The following PCDHGB1 variants were observed in gnomAD, a reference collection of about 807,000 sequenced individuals.
PCDHGB1 encodes protocadherin gamma subfamily B, 1.
A neutral mutation model predicts 56.6 loss-of-function variants in PCDHGB1; 34 were observed. The ratio of observed to expected loss-of-function variants is 0.60; its 90% CI spans 0.46 to 0.80. The LOEUF (loss-of-function observed/expected upper bound fraction) is 0.80. Ranked by LOEUF, PCDHGB1 falls within the 30% of genes least tolerant of loss-of-function variation. The pLI, the probability that PCDHGB1 is intolerant of heterozygous loss-of-function variation, is 0.00. For synonymous variants in PCDHGB1, 561 were observed against 505.9 expected, an observed-to-expected ratio of 1.11 and a Z score of -1.46; for missense variants, 1,278 against 1,204.6, an observed-to-expected ratio of 1.06 and a Z score of -0.90.
rs758172962 is a variant in PCDHGB1, at chr5:141,364,474, A to G, written c.2409+11805A>G. 6.8e-6 allele frequency: 11 copies of G among 1,614,012 alleles called. 1 individual carries two copies. Among genetic ancestry groups the G allele is most frequent in the Middle Eastern group, 1.7e-4 (1 of 6,056 alleles). Reference sequence around the variant, plus strand: ...ACAAAGGCTCCTTCGTCGGCAACATAGCCAAGGACCTTGGGCTGGAGCCCC... The same window carrying G: ...ACAAAGGCTCCTTCGTCGGCAACATGGCCAAGGACCTTGGGCTGGAGCCCC... On this transcript the variant is annotated intron_variant, in intron 1 of 3. Transcript: ENST00000523390.
rs780836649 is a variant in PCDHGB1 at position 141,414,681 on chromosome 5, G to C, written c.2409+62012G>C. 38 of 1,613,836 alleles carry C rather than the reference G, an allele frequency of 2.4e-5. 1 individual carries two copies. The East Asian group carries it at 8.5e-4, about 36-fold the overall frequency. ...CCCTGGCTGAAGACACCATCCAGGG[G>C]GTACCTCTGTCCTCATACATATCCA... On this transcript the variant is annotated intron_variant, in intron 1 of 3. Coordinates refer to ENST00000523390, the MANE Select transcript of PCDHGB1 (RefSeq NM_018922.3).
intron 3 of PCDHGB1, among the ~76,000 whole-genome samples, chr5:141,506,781 T>C (rs965408564): frequency 1.4e-4 from 22 of 152,168 alleles, no homozygotes; most frequent in African/African-American, 5.3e-4. Context: ...CCTGGGCTTA[T>C]AAGGAGGCTG....
At chr5:141,382,378 C>A (rs1160680038) in intron 1 of PCDHGB1, among the ~76,000 whole-genome samples, 1 of 152,098 alleles carries the variant, frequency 6.6e-6, no homozygotes, top group Non-Finnish European at 1.5e-5. Context: ...TTTTTGCCTT[C>A]AATAACTGAT....
Position 141,374,537 on chromosome 5 carries a change from T to G in PCDHGB1, c.2409+21868T>G, listed in dbSNP as rs1430968090. Reference sequence around the variant, plus strand: ...CGAAAACGCAGCTCCATCCTCTCGTTTTCCACTAATGGAGGTCTATGACCC... The same window carrying G: ...CGAAAACGCAGCTCCATCCTCTCGTGTTCCACTAATGGAGGTCTATGACCC... On this transcript the variant is annotated intron_variant, in intron 1 of 3. Coordinates refer to ENST00000523390, the MANE Select transcript of PCDHGB1 (RefSeq NM_018922.3). 4 of 1,613,198 alleles carry G rather than the reference T, an allele frequency of 2.5e-6. No individual in the cohort carries two copies. In the Admixed American group the frequency reaches 5.0e-5, roughly 20 times the overall value.
chr5:141,366,268 C>T (rs1426955979), intron 1 of PCDHGB1: 1 of 1,613,718 alleles, frequency 6.2e-7, no homozygotes, highest in Non-Finnish European at 8.5e-7. Flanking sequence ...TGGTGGCCGT[C>T]GAAGACCATG....
chr5:141,376,073 G>T, intron 1 of PCDHGB1: 6 of 1,613,508 alleles, frequency 3.7e-6, no homozygotes, highest in South Asian at 1.1e-5. Context: ...CACCGTGGCC[G>T]TGGCCGACAG....
At chr5:141,449,542 T>C (rs1379019468) in intron 1 of PCDHGB1, among the ~76,000 whole-genome samples, 2 of 142,482 alleles carry the variant, frequency 1.4e-5, no homozygotes, top group African/African-American at 5.3e-5. Context: ...TGAGCCGAGA[T>C]CGCACCACTG....
chr5:141,423,648 G>T, intron 1 of PCDHGB1: 1 of 1,590,008 alleles, frequency 6.3e-7, no homozygotes, highest in Admixed American at 1.8e-5. Context: ...AATGTGACCC[G>T]ACAAGTAATC....
intron 1 of PCDHGB1, chr5:141,408,241 G>A: frequency 1.3e-6 from 2 of 1,580,050 alleles, no homozygotes; most frequent in Non-Finnish European, 1.7e-6. Flanking sequence ...GGGCCGGCCC[G>A]CGGCAGGTGC....
At chr5:141,364,533 C>T (rs1296809092) in intron 1 of PCDHGB1, 2 of 1,614,094 alleles carry the variant, frequency 1.2e-6, no homozygotes, top group Non-Finnish European at 1.7e-6. Flanking sequence ...CGCATCGTCT[C>T]CAGAGGTAGG....
At chr5:141,409,405 C>T in intron 1 of PCDHGB1, 1 of 1,614,050 alleles carries the variant, frequency 6.2e-7, no homozygotes, top group Non-Finnish European at 8.5e-7. Context: ...CCAATAACTA[C>T]TACAAACTGG....
At position 141,429,460 on chromosome 5, in the gene PCDHGB1, C is replaced by T. The variant is rs528924726; in HGVS notation, c.2410-65347C>T. The stretch of plus-strand genomic sequence containing the variant: ...AAACTCTTGGGCTACAGTAATCCTC[C>T]CACCTCAATCTCCAGAGTAGCTGAG... On this transcript the variant is annotated intron_variant, in intron 1 of 3. Transcript: ENST00000523390. Among the ~76,000 whole-genome samples the T allele has an allele frequency of 1.6e-4, 25 of 151,938 alleles. 1 individual carries two copies. The South Asian group carries it at 4.6e-3, about 28-fold the overall frequency.
intron 1 of PCDHGB1, chr5:141,364,471 C>T (rs1307954673): frequency 3.1e-6 from 5 of 1,613,918 alleles, no homozygotes; most frequent in Non-Finnish European, 4.2e-6. Context: ...TCGTCGGCAA[C>T]ATAGCCAAGG....
At chr5:141,401,805 G>C (rs1307812903) in intron 1 of PCDHGB1, among the ~76,000 whole-genome samples, 1 of 152,132 alleles carries the variant, frequency 6.6e-6, no homozygotes, top group Non-Finnish European at 1.5e-5. Context: ...TTCAGTAAAT[G>C]GGTTCCTTAC....
chr5:141,359,093 T>C (rs970886110), intron 1 of PCDHGB1, among the ~76,000 whole-genome samples: 2 of 152,204 alleles, frequency 1.3e-5, no homozygotes, highest in African/African-American at 4.8e-5. Context: ...AGTTTCTACA[T>C]GGTTTTGTAT....
intron 1 of PCDHGB1, chr5:141,372,593 C>G (rs748684942): frequency 6.2e-7 from 1 of 1,614,030 alleles, no homozygotes; most frequent in Non-Finnish European, 8.5e-7. Context: ...GTGTCTGCTT[C>G]AAGACTGTAC....
rs548299275 is a variant in PCDHGB1, at chr5:141,384,200, G to A, written c.2409+31531G>A. On this transcript the variant is annotated intron_variant, in intron 1 of 3. Coordinates refer to ENST00000523390, the MANE Select transcript of PCDHGB1 (RefSeq NM_018922.3). ...GATGGTGGAACTCCTCCCTTGTCCAGGGAAACTCACATATTCATGCAGGTG... is the reference window on the plus strand; with the variant it reads ...GATGGTGGAACTCCTCCCTTGTCCAAGGAAACTCACATATTCATGCAGGTG... 131 of 1,613,832 alleles carry A rather than the reference G, an allele frequency of 8.1e-5. 2 individuals are homozygous for A. The South Asian group carries it at 1.4e-3, about 17-fold the overall frequency.
rs183968443 is a variant in PCDHGB1 at position 141,495,033 on chromosome 5, G to A, written c.2468+168G>A. On this transcript the variant is annotated intron_variant, in intron 2 of 3. Coordinates refer to ENST00000523390, the MANE Select transcript of PCDHGB1 (RefSeq NM_018922.3). ...GGGGCTGGCACACAGACCCCGGAAG[G>A]AAGAGGCGACTGCCCTGACTGTTCA... is the stretch of plus-strand genomic sequence containing the variant. 1.4e-3 allele frequency: 1,380 copies of A among 968,234 alleles called. 4 individuals are homozygous for A. Among genetic ancestry groups the A allele is most frequent in the Middle Eastern group, 5.3e-3 (10 of 1,888 alleles). 60.0% of individuals were successfully genotyped at this position (968,234 alleles called of 1,614,324 possible).
chr5:141,383,492 G>T (rs1012277194), intron 1 of PCDHGB1: 11 of 1,613,178 alleles, frequency 6.8e-6, no homozygotes, highest in Non-Finnish European at 9.3e-6. Context: ...GTGCTGGAGC[G>T]GGTGCTGGAC....
Sources: gnomAD v4.1 joint callset for allele counts (sites outside exome capture counted in the v4.1 genomes callset) on GRCh38, gnomAD v4.1.1 for gene constraint, MANE v1.5 for transcripts, NCBI Gene and HGNC (gene_info 2026-07-23, HGNC 2026-07-21) for gene names.